GALNT18: variants seen among roughly 807,000 people sequenced by gnomAD.
GALNT18 encodes the protein GalNAc-transferase 18.
A neutral mutation model predicts 69.5 loss-of-function variants in GALNT18; 44 were observed. The observed-to-expected ratio is 0.63, with a 90% CI of 0.50 to 0.81. The LOEUF (loss-of-function observed/expected upper bound fraction) is 0.81. Among genes scored for constraint, GALNT18 ranks in the 40% least tolerant of loss-of-function variants. The probability of loss-of-function intolerance (pLI) is 0.00; values close to 1 mark genes in which losing one functional copy is unlikely to be tolerated. For synonymous variants in GALNT18, 364 were observed against 318.2 expected (o/e 1.14, Z -1.53); for missense variants, 715 against 810.0 (o/e 0.88, Z 1.42).
rs556559026 is a variant in GALNT18, at chr11:11,280,200, TAAAC to T, written c.1678-8914_1678-8911del. On this transcript the variant is annotated intron_variant, in intron 10 of 10. Coordinates refer to ENST00000227756, the MANE Select transcript of GALNT18 (RefSeq NM_198516.3). ...ACTCAACAGCACAGAGACCAAAGAA[TAAAC>T]AGGAAACTGAAACAGCAGCTGCTGG... Among the ~76,000 whole-genome samples, 214 of 152,174 alleles carry T rather than the reference TAAAC, an allele frequency of 1.4e-3. 2 individuals carry two copies. The highest frequency in any genetic ancestry group is 0.01 in the Middle Eastern group (3 of 294).
intron 3 of GALNT18, among the ~76,000 whole-genome samples, chr11:11,425,183 C>A (rs1855099591): frequency 6.6e-6 from 1 of 152,226 alleles, no homozygotes; most frequent in South Asian, 2.1e-4. Flanking sequence ...TCTCTTGAGG[C>A]CCGCTGAGTT....
intron 1 of GALNT18, among the ~76,000 whole-genome samples, chr11:11,550,384 CATTG>C (rs754150303): frequency 2.0e-5 from 3 of 152,210 alleles, no homozygotes; most frequent in African/African-American, 4.8e-5. Flanking sequence ...CAACTGGACA[CATTG>C]ATTGTTTAGC....
chr11:11,358,928 C>A lies in GALNT18; in HGVS notation c.1092+13587G>T, dbSNP rs1850587922. Among the ~76,000 whole-genome samples the A allele has an allele frequency of 1.4e-5, 2 of 139,164 alleles. 1 individual carries two copies. The highest frequency in any genetic ancestry group is 3.2e-5 in the Non-Finnish European group (2 of 62,458). The allele number at this position is 139,164 out of a possible 152,430, so 91.3% of individuals were successfully genotyped here. On this transcript the variant is annotated intron_variant, in intron 6 of 10. Transcript: ENST00000227756. ...TCCAGCTGGCTTGAGCCAACCATAA[C>A]ATTTAGAAGCAACTAGAAACTACAA...
rs1294641913 is a variant in GALNT18, at chr11:11,538,712, G to T, written c.235+82647C>A. The stretch of plus-strand genomic sequence containing the variant: ...AGTCAGTAAATGGGGACCTTAACAG[G>T]GCCTCACTGGGCCTTTGGAAGGATT... On this transcript the variant is annotated intron_variant, in intron 1 of 10. Transcript: ENST00000227756. This position sits in a 1 kb window ranked among gnomAD's most constrained non-coding sequence, Gnocchi z 5.2. Among the ~76,000 whole-genome samples, 1 of 152,048 alleles carries T rather than the reference G, an allele frequency of 6.6e-6. No individual in the cohort carries two copies. The highest frequency in any genetic ancestry group is 1.5e-5 in the Non-Finnish European group (1 of 68,018).
chr11:11,390,803 T>C (rs1256227004), intron 3 of GALNT18, among the ~76,000 whole-genome samples: 1 of 152,158 alleles, frequency 6.6e-6, no homozygotes, highest in Non-Finnish European at 1.5e-5. Context: ...TATTGAAATA[T>C]GTCAAGTAGA....
chr11:11,563,106 A>AC lies in GALNT18; in HGVS notation c.235+58252dup. Among the ~76,000 whole-genome samples, 1 of 151,766 alleles carries AC rather than the reference A, an allele frequency of 6.6e-6. No homozygotes were observed. Among genetic ancestry groups the AC allele is most frequent in the East Asian group, 1.9e-4 (1 of 5,166 alleles). ...CAAGACTCCTCCAGCCCAGGAGGTGACCCCCCACCACACCCCACAGAGTGC... is the reference window on the plus strand; with the variant it reads ...CAAGACTCCTCCAGCCCAGGAGGTGACCCCCCCACCACACCCCACAGAGTGC... On this transcript the variant is annotated intron_variant, in intron 1 of 10. Transcript: ENST00000227756. This position sits in a 1 kb window ranked among gnomAD's most constrained non-coding sequence, Gnocchi z 4.6.
rs567104273 is a variant in GALNT18 at position 11,412,015 on chromosome 11, G to T, written c.595+20606C>A. Among the ~76,000 whole-genome samples the T allele has an allele frequency of 9.9e-5, 15 of 152,222 alleles. No individual in the cohort carries two copies. In the East Asian group the frequency reaches 2.7e-3, roughly 28 times the overall value. ...AAACAGAAATTTCAAAAAAGGTAGG[G>T]CTTGGAGCTTCTGGCCACCAACACT... On this transcript the variant is annotated intron_variant, in intron 3 of 10. Transcript: ENST00000227756.
In GALNT18 at chr11:11,435,325, C is replaced by G. The variant is rs1168560999; in HGVS notation, c.429-2538G>C. 6.6e-6 allele frequency among the ~76,000 whole-genome samples: 1 copy of G among 152,148 alleles called. No individual in the cohort carries two copies. The highest frequency in any genetic ancestry group is 1.9e-4 in the East Asian group (1 of 5,192). On this transcript the variant is annotated intron_variant, in intron 2 of 10. Coordinates refer to ENST00000227756, the MANE Select transcript of GALNT18 (RefSeq NM_198516.3). The surrounding 1 kb of genome is among the most constrained non-coding windows in gnomAD (Gnocchi z 4.4). The stretch of plus-strand genomic sequence containing the variant: ...CTGAGGAGACCAATTTTAATTCCTC[C>G]CAGTAGCAGCCCTGATGGTTTGAGC...
chr11:11,567,009 C>T (rs1360955172), intron 1 of GALNT18, among the ~76,000 whole-genome samples: 1 of 152,230 alleles, frequency 6.6e-6, no homozygotes, highest in Admixed American at 6.5e-5. Context: ...AATTCCTGCT[C>T]TCCTTACCCA....
chr11:11,349,526 C>T (rs1013451903), intron 6 of GALNT18, among the ~76,000 whole-genome samples: 1 of 152,182 alleles, frequency 6.6e-6, no homozygotes, highest in Admixed American at 6.5e-5. Context: ...TTTTAATTTG[C>T]AACCTCCCCT....
At chr11:11,577,957 G>A (rs1306754900) in intron 1 of GALNT18, among the ~76,000 whole-genome samples, 1 of 151,750 alleles carries the variant, frequency 6.6e-6, no homozygotes, top group African/African-American at 2.4e-5. Flanking sequence ...ATAGGAGAAG[G>A]AGAAAGCCAG....
At chr11:11,398,480 A>G (rs1263300446) in intron 3 of GALNT18, among the ~76,000 whole-genome samples, 1 of 152,254 alleles carries the variant, frequency 6.6e-6, no homozygotes, top group Non-Finnish European at 1.5e-5. Context: ...TTTAAAGATG[A>G]GAAAACCAAA....
At chr11:11,445,606 C>T (rs930996851) in intron 2 of GALNT18, among the ~76,000 whole-genome samples, 5 of 152,164 alleles carry the variant, frequency 3.3e-5, no homozygotes, top group East Asian at 1.9e-4. Context: ...CAATCTTGGG[C>T]GTGCGTCTGG....
intron 1 of GALNT18, among the ~76,000 whole-genome samples, chr11:11,467,713 A>C (rs1188406494): frequency 6.6e-6 from 1 of 152,222 alleles, no homozygotes; most frequent in African/African-American, 2.4e-5. Context: ...CATCAAATTA[A>C]GAATGCTCAG....
intron 10 of GALNT18, among the ~76,000 whole-genome samples, chr11:11,272,904 A>G (rs1438115436): frequency 6.6e-6 from 1 of 152,214 alleles, no homozygotes; most frequent in Admixed American, 6.5e-5. Flanking sequence ...GCAACAACGG[A>G]CATCTCAAGA....
chr11:11,378,229 T>G (rs973148769), intron 4 of GALNT18, among the ~76,000 whole-genome samples: 2 of 152,224 alleles, frequency 1.3e-5, no homozygotes, highest in Non-Finnish European at 2.9e-5. Flanking sequence ...TGCTGCTCCT[T>G]CCTGCTGAAG....
Position 11,280,160 on chromosome 11 carries a change from G to A in GALNT18, c.1678-8870C>T, listed in dbSNP as rs1282289778. Among the ~76,000 whole-genome samples, 3 of 152,152 alleles carry A rather than the reference G, an allele frequency of 2.0e-5. No individual in the cohort carries two copies. In the South Asian group the frequency reaches 6.2e-4, roughly 32 times the overall value. ...CCAGGGCACCCCCCGCCCGGGGAGT[G>A]CAGTGATTCAGTGTACTCAACAGCA... On this transcript the variant is annotated intron_variant, in intron 10 of 10. Transcript: ENST00000227756.
At chr11:11,581,125 G>A (rs115620617) in intron 1 of GALNT18, among the ~76,000 whole-genome samples, 3,559 of 152,290 alleles carry the variant, frequency 0.023, 141 homozygotes, top group African/African-American at 0.082. Flanking sequence ...CCAAGGCTGC[G>A]GCAGCCAGAG....
In GALNT18 at chr11:11,315,065, T is replaced by C. The variant is rs1009728825; in HGVS notation, c.1512+12021A>G. 5.9e-4 allele frequency among the ~76,000 whole-genome samples: 88 copies of C among 149,880 alleles called. No homozygotes were observed. The highest frequency in any genetic ancestry group is 2.2e-3 in the African/African-American group (87 of 40,300). On this transcript the variant is annotated intron_variant, in intron 9 of 10. Coordinates refer to ENST00000227756, the MANE Select transcript of GALNT18 (RefSeq NM_198516.3). The surrounding 1 kb of genome is among the most constrained non-coding windows in gnomAD (Gnocchi z 5.6). ...GTGTGTGTGTGTGTGTGTGTGTGTA[T>C]GTGTGTATATATGTGTACATACAGA...
Sources: gnomAD v4.1 joint callset for allele counts (sites outside exome capture counted in the v4.1 genomes callset) on GRCh38, gnomAD v4.1.1 for gene constraint, Gnocchi (gnomAD v3.1) non-coding constraint, MANE v1.5 for transcripts, NCBI Gene and HGNC (gene_info 2026-07-23, HGNC 2026-07-21) for gene names.